The following IARS1 variants were observed in gnomAD, a reference collection of about 807,000 sequenced individuals.
IARS1 encodes the protein isoleucine--tRNA ligase, cytoplasmic.
In IARS1, 124 loss-of-function variants were observed where a neutral mutation model predicts 168.2. That is an observed-to-expected ratio of 0.74 (90% CI 0.64 to 0.86). The LOEUF is 0.86. Ranked by LOEUF, IARS1 falls within the 40% of genes least tolerant of loss-of-function variation. The probability of loss-of-function intolerance (pLI) is 0.00; values close to 1 mark genes in which losing one functional copy is unlikely to be tolerated. For synonymous variants in IARS1, 532 were observed against 529.4 expected (o/e 1.00, Z -0.07); for missense variants, 1,452 against 1,515.8 (o/e 0.96, Z 0.70).
At chr9:92,250,317 G>A (rs528957453) in intron 23 of IARS1, 28 bp from the exon 24 acceptor site, 1 of 1,380,814 alleles carries the variant, frequency 7.2e-7, no homozygotes, top group South Asian at 1.2e-5. Context: ...GAATATGAAA[G>A]AGTTTAGATT....
At chr9:92,278,317 G>C in intron 7 of IARS1, 31 bp from the exon 8 acceptor site, 1 of 1,454,898 alleles carries the variant, frequency 6.9e-7, no homozygotes, top group Non-Finnish European at 9.7e-7. Context: ...ATGGACTTGG[G>C]TTATATTCTG....
At chr9:92,248,113 T>G (rs965168300) in intron 25 of IARS1, among the ~76,000 whole-genome samples, 3 of 152,106 alleles carry the variant, frequency 2.0e-5, no homozygotes, top group Non-Finnish European at 4.4e-5. Flanking sequence ...GACCCAGAAA[T>G]ATAAACCTCA....
Position 92,210,869 on chromosome 9 carries a change from C to G in IARS1, c.3727G>C (p.Val1243Leu), listed in dbSNP as rs144102700. ...QTQEITEDIPVKTLNMKTVYV... is the reference protein window; with the variant it reads ...QTQEITEDIPLKTLNMKTVYV... Reference sequence around the variant, plus strand: ...ACAGTCTTCATATTCAAAGTCTTCACGGGGATGTCTTCTGTAATTTCTAGA... The same window carrying G: ...ACAGTCTTCATATTCAAAGTCTTCAGGGGGATGTCTTCTGTAATTTCTAGA... Residue 1243 changes from valine (V) to leucine (L), a missense_variant, in exon 34 of 34, where the codon GTG becomes CTG. Physicochemically the swap from Val to Leu is conservative, Grantham distance 32 (BLOSUM62 1). Transcript: ENST00000443024. The G allele has an allele frequency of 6.2e-7, 1 of 1,607,412 alleles. No individual in the cohort carries two copies. Among genetic ancestry groups the G allele is most frequent in the Non-Finnish European group, 8.5e-7 (1 of 1,174,112 alleles).
Position 92,265,469 on chromosome 9 carries a change from T to C in IARS1, c.1505+11A>G. 1 of 1,611,968 alleles carries C rather than the reference T, an allele frequency of 6.2e-7. No individual in the cohort carries two copies. The highest frequency in any genetic ancestry group is 2.2e-5 in the East Asian group (1 of 44,868). On this transcript the variant is annotated intron_variant, in intron 15 of 33. Coordinates refer to ENST00000443024, the MANE Select transcript of IARS1 (RefSeq NM_002161.6). ...GTAAAACTGAAGTGAATCGAACATT[T>C]AGAAACTGACCTCTCTCTGTGGAGA...
chr9:92,263,558 C>T (rs1057046984), intron 16 of IARS1, among the ~76,000 whole-genome samples: 1 of 152,232 alleles, frequency 6.6e-6, no homozygotes, highest in Non-Finnish European at 1.5e-5. Context: ...ATATCCCTGA[C>T]CACTGTCCTG....
At chr9:92,234,311 A>G (rs1240340457) in intron 30 of IARS1, among the ~76,000 whole-genome samples, 1 of 152,174 alleles carries the variant, frequency 6.6e-6, no homozygotes, top group Non-Finnish European at 1.5e-5. Flanking sequence ...TAACAGATTT[A>G]GCGATGATTT....
At position 92,225,842 on chromosome 9, in the gene IARS1, CT is replaced by C. The variant is rs1457804081; in HGVS notation, c.3410-2354del. 1.6e-4 allele frequency among the ~76,000 whole-genome samples: 25 copies of C among 152,330 alleles called. 1 individual carries two copies. Among genetic ancestry groups the C allele is most frequent in the African/African-American group, 5.8e-4 (24 of 41,560 alleles). ...AACAGGCTAACATGGGGCCCGTGCCCTTGGCTTTCTCAGGTTGCTGTGAATC... is the reference window on the plus strand; with the variant it reads ...AACAGGCTAACATGGGGCCCGTGCCCTGGCTTTCTCAGGTTGCTGTGAATC... On this transcript the variant is annotated intron_variant, in intron 31 of 33. Transcript: ENST00000443024.
At chr9:92,225,101 T>G (rs1022893509) in intron 31 of IARS1, among the ~76,000 whole-genome samples, 4 of 152,360 alleles carry the variant, frequency 2.6e-5, no homozygotes, top group Middle Eastern at 3.4e-3. Context: ...GCCAGACTCC[T>G]GATGGCAGCT....
Position 92,247,450 on chromosome 9 carries a change from C to G in IARS1, c.2718G>C (p.Lys906Asn), listed in dbSNP as rs1829376910. 1 of 1,614,060 alleles carries G rather than the reference C, an allele frequency of 6.2e-7. No individual in the cohort carries two copies. The highest frequency in any genetic ancestry group is 1.1e-5 in the South Asian group (1 of 91,088). Residue 906 changes from lysine (K) to asparagine (N), a missense_variant, in exon 26 of 34, where the codon AAG becomes AAC. Transcript: ENST00000443024. ...PDHMVLGKRL[K>N]GAFKAVMTSI... ...ACGTCATCACTGCCTTAAAGGCTCC[C>G]TTCAGACGCTTCCCCAGGACCATGT...
Position 92,243,194 on chromosome 9 carries a change from T to C in IARS1, c.3000+22A>G, listed in dbSNP as rs781225516. ...CAAACAAAAAGCCAAAACAGTAGCTTATTCTTAACTGACAAACTAACCTTT... is the reference window on the plus strand; with the variant it reads ...CAAACAAAAAGCCAAAACAGTAGCTCATTCTTAACTGACAAACTAACCTTT... On this transcript the variant is annotated intron_variant, in intron 28 of 33. Transcript: ENST00000443024. 9 of 1,589,068 alleles carry C rather than the reference T, an allele frequency of 5.7e-6. No individual in the cohort carries two copies. The South Asian group carries it at 7.7e-5, about 14-fold the overall frequency.
chr9:92,293,681 G>A lies in IARS1; in HGVS notation c.-78C>T. 1 of 272,376 alleles carries A rather than the reference G, an allele frequency of 3.7e-6. No homozygotes were observed. The highest frequency in any genetic ancestry group is 3.6e-5 in the South Asian group (1 of 27,434). The allele number at this position is 272,376 out of a possible 1,614,324, so 16.9% of individuals were successfully genotyped here. A position where few individuals can be genotyped will look rare whatever the true frequency, so the allele number is the denominator to read the frequency against. On this transcript the variant is annotated 5_prime_UTR_variant, in exon 1 of 34. Coordinates refer to ENST00000443024, the MANE Select transcript of IARS1 (RefSeq NM_002161.6). ...TAAAAGCAACTCATCCGGCGTCCAC[G>A]CTGCAACCGGGCGCACGGAGGTGAT...
chr9:92,212,257 T>C (rs1212610606), intron 33 of IARS1, among the ~76,000 whole-genome samples: 1 of 152,190 alleles, frequency 6.6e-6, no homozygotes, highest in Non-Finnish European at 1.5e-5. Flanking sequence ...AAGTTATTGA[T>C]ACTTTATGAA....
At chr9:92,235,659 T>C (rs1468018389) in intron 30 of IARS1, among the ~76,000 whole-genome samples, 1 of 151,478 alleles carries the variant, frequency 6.6e-6, no homozygotes, top group Admixed American at 6.6e-5. Context: ...CCTGAGTAGC[T>C]GGGATTACAG....
At chr9:92,286,717 G>A in intron 4 of IARS1, 99 bp from the exon 5 acceptor site, 2 of 654,588 alleles carry the variant, frequency 3.1e-6, no homozygotes, top group South Asian at 2.3e-5. Flanking sequence ...GAAAATTTTG[G>A]GAAAACAGAA....
Position 92,264,945 on chromosome 9 carries a change from C to A in IARS1, c.1684G>T (p.Asp562Tyr). Residue 562 changes from aspartate to tyrosine, a missense_variant, in exon 16 of 34, where the codon GAC becomes TAC. Transcript: ENST00000443024. ...GAGGCATACCATCCTCTGGTTTGGT[C>A]GATGCCCTCGGCAATGAAATCTGCA... The part of the protein sequence containing the change: ...FPADFIAEGI[D>Y]QTRGWFYTLL... 6.2e-7 allele frequency: 1 copy of A among 1,613,448 alleles called. No individual in the cohort carries two copies. The highest frequency in any genetic ancestry group is 1.1e-5 in the South Asian group (1 of 90,930).
rs757323916 is a variant in IARS1, at chr9:92,265,066, A to G, written c.1563T>C (p.Ser521=). Residue 521 remains serine, a synonymous_variant, in exon 16 of 34, where the codon TCT becomes TCC. Coordinates refer to ENST00000443024, the MANE Select transcript of IARS1 (RefSeq NM_002161.6). The part of the protein sequence containing the change: ...RCGKGSLHRI[S]EVFDCWFESG... ...TCTCAAACCAACAGTCAAACACTTC[A>G]GAGATGCGGTGCAAGGATCCCTTCC... 5.0e-6 allele frequency: 8 copies of G among 1,614,218 alleles called. No individual in the cohort carries two copies. The South Asian group carries it at 6.6e-5, about 13-fold the overall frequency.
At chr9:92,280,689 C>T (rs57224834) in intron 7 of IARS1, 57 bp downstream of exon 7, 5 of 1,154,204 alleles carry the variant, frequency 4.3e-6, no homozygotes, top group South Asian at 1.7e-5. Flanking sequence ...TTCATATTTT[C>T]CAAAATATAA....
chr9:92,241,617 C>A (rs968107474), intron 29 of IARS1, among the ~76,000 whole-genome samples: 1 of 152,218 alleles, frequency 6.6e-6, no homozygotes, highest in Non-Finnish European at 1.5e-5. Context: ...GCTGGGATTA[C>A]AGGTGTGAGC....
Position 92,223,365 on chromosome 9 carries a change from G to A in IARS1, c.3534C>T (p.Leu1178=). 6.2e-7 allele frequency: 1 copy of A among 1,612,484 alleles called. No individual in the cohort carries two copies. The highest frequency in any genetic ancestry group is 1.3e-5 in the African/African-American group (1 of 75,056). ...TLLCQYINLQ[L]LNAKPQECLM... Reference sequence around the variant, plus strand: ...ACATACCTTGTGGCTTTGCATTCAGGAGCTGTAGGTTGATATACTGACAAA... The same window carrying A: ...ACATACCTTGTGGCTTTGCATTCAGAAGCTGTAGGTTGATATACTGACAAA... Residue 1178 remains leucine, a synonymous_variant, in exon 32 of 34, where the codon CTC becomes CTT. Transcript: ENST00000443024.
Sources: gnomAD v4.1 joint callset for allele counts (sites outside exome capture counted in the v4.1 genomes callset) on GRCh38, gnomAD v4.1.1 for gene constraint, MANE v1.5 for transcripts, NCBI Gene and HGNC (gene_info 2026-07-23, HGNC 2026-07-21) for gene names.